Variants in PLSCR4 observed in about 807,000 individuals in gnomAD.
PLSCR4 encodes the protein phospholipid scramblase 4, also known as Ca(2+)-dependent phospholipid scramblase 4.
In PLSCR4, 25 loss-of-function variants were observed where a neutral mutation model predicts 36.3. The ratio of observed to expected loss-of-function variants is 0.69; its 90% CI spans 0.50 to 0.96. The LOEUF is 0.96. Among genes scored for constraint, PLSCR4 ranks in the 40% least tolerant of loss-of-function variants. The pLI is 0.00. For synonymous variants in PLSCR4, 122 were observed against 132.9 expected, an observed-to-expected ratio of 0.92 and a Z score of 0.56; for missense variants, 408 against 414.7, an observed-to-expected ratio of 0.98 and a Z score of 0.14.
At chr3:146,213,333 C>CTT (rs2034720581) in intron 3 of PLSCR4, among the ~76,000 whole-genome samples, 1 of 101,054 alleles carries the variant, frequency 9.9e-6, no homozygotes, top group Non-Finnish European at 2.3e-5. Flanking sequence ...AGTAAAATTT[C>CTT]CTTTTTTTTT....
intron 1 of PLSCR4, among the ~76,000 whole-genome samples, chr3:146,226,255 TTAAA>T (rs1184769441): frequency 3.3e-5 from 5 of 152,342 alleles, no homozygotes; most frequent in African/African-American, 9.6e-5. Context: ...ATGTACATGT[TTAAA>T]TATGCATATT....
At chr3:146,207,412 A>C (rs1224721229) in intron 3 of PLSCR4, among the ~76,000 whole-genome samples, 1 of 152,072 alleles carries the variant, frequency 6.6e-6, no homozygotes, top group East Asian at 1.9e-4. Flanking sequence ...TTAAACAACA[A>C]GCATTTCTTT....
At chr3:146,217,174 GA>G (rs529629032) in intron 3 of PLSCR4, among the ~76,000 whole-genome samples, 1 of 152,318 alleles carries the variant, frequency 6.6e-6, no homozygotes, top group South Asian at 2.1e-4. Flanking sequence ...AAGAAAAGGT[GA>G]ATGGTTGTCA....
intron 1 of PLSCR4, among the ~76,000 whole-genome samples, chr3:146,244,440 T>G (rs1015899440): frequency 3.3e-5 from 5 of 152,142 alleles, no homozygotes; most frequent in Non-Finnish European, 5.9e-5. Context: ...TCAAGGAGTC[T>G]ATCAGTGCCA....
intron 1 of PLSCR4, among the ~76,000 whole-genome samples, chr3:146,230,098 C>T (rs2035646629): frequency 6.6e-6 from 1 of 152,096 alleles, no homozygotes; most frequent in African/African-American, 2.4e-5. Flanking sequence ...GAAGTGAAGG[C>T]AGTCTTGTTA....
In PLSCR4 at chr3:146,224,814, C is replaced by T. The variant is rs192650804; in HGVS notation, c.-21-2722G>A. Among the ~76,000 whole-genome samples the T allele has an allele frequency of 1.8e-3, 271 of 151,434 alleles. 1 individual carries two copies. The highest frequency in any genetic ancestry group is 5.9e-3 in the African/African-American group (246 of 41,396). Reference sequence around the variant, plus strand: ...CTGATTGGTGCATTTACAATCCCTGCGCTAGATACAAAGGTTCTCCACGTC... The same window carrying T: ...CTGATTGGTGCATTTACAATCCCTGTGCTAGATACAAAGGTTCTCCACGTC... On this transcript the variant is annotated intron_variant, in intron 1 of 8. Coordinates refer to ENST00000354952, the MANE Select transcript of PLSCR4 (RefSeq NM_020353.3).
At chr3:146,197,267 A>G (rs2033796743) in intron 6 of PLSCR4, among the ~76,000 whole-genome samples, 1 of 152,160 alleles carries the variant, frequency 6.6e-6, no homozygotes, top group African/African-American at 2.4e-5. Flanking sequence ...CAGAAAGAAC[A>G]ATTTTCTCAG....
chr3:146,229,505 A>C (rs991757169), intron 1 of PLSCR4, among the ~76,000 whole-genome samples: 1 of 152,134 alleles, frequency 6.6e-6, no homozygotes, highest in Non-Finnish European at 1.5e-5. Context: ...GAGAGAAGGC[A>C]TGAAAGCTTT....
intron 1 of PLSCR4, among the ~76,000 whole-genome samples, chr3:146,233,844 T>G (rs2035812683): frequency 6.6e-6 from 1 of 152,166 alleles, no homozygotes; most frequent in East Asian, 1.9e-4. Context: ...GCCTTCTCCT[T>G]CATACCCCAT....
chr3:146,246,793 T>A (rs534095206), intron 1 of PLSCR4, among the ~76,000 whole-genome samples: 1 of 152,150 alleles, frequency 6.6e-6, no homozygotes, highest in Non-Finnish European at 1.5e-5. Context: ...ACTTTACATT[T>A]ATGAAAACAG....
chr3:146,228,222 TTAC>T (rs1234553014), intron 1 of PLSCR4, among the ~76,000 whole-genome samples: 10 of 152,218 alleles, frequency 6.6e-5, no homozygotes, highest in African/African-American at 1.7e-4. Context: ...ACTTGCATTA[TTAC>T]TACTATTTCA....
At chr3:146,199,184 A>G (rs1456708738) in intron 6 of PLSCR4, among the ~76,000 whole-genome samples, 1 of 152,154 alleles carries the variant, frequency 6.6e-6, no homozygotes, top group Non-Finnish European at 1.5e-5. Flanking sequence ...TAAATTTTAC[A>G]GATTTAAGTA....
intron 3 of PLSCR4, among the ~76,000 whole-genome samples, chr3:146,215,636 TG>T (rs142178152): frequency 0.016 from 2,403 of 152,304 alleles, 65 homozygotes; most frequent in African/African-American, 0.054. Context: ...TGTATGTATA[TG>T]TTTTTTTTGT....
chr3:146,198,293 C>G (rs73865351), intron 6 of PLSCR4, among the ~76,000 whole-genome samples: 1 of 151,934 alleles, frequency 6.6e-6, no homozygotes, highest in Non-Finnish European at 1.5e-5. Context: ...TAAAACTGCA[C>G]AAACTAAATG....
At chr3:146,235,342 C>T (rs1401539548) in intron 1 of PLSCR4, among the ~76,000 whole-genome samples, 1 of 151,964 alleles carries the variant, frequency 6.6e-6, no homozygotes, top group African/African-American at 2.4e-5. Flanking sequence ...GTGTATGGTA[C>T]CTCTCCCATC....
At chr3:146,250,350 T>C (rs1248176840) in intron 1 of PLSCR4, among the ~76,000 whole-genome samples, 1 of 152,080 alleles carries the variant, frequency 6.6e-6, no homozygotes, top group Non-Finnish European at 1.5e-5. Flanking sequence ...CAGTATAAAA[T>C]TAAAAACTAA....
chr3:146,199,792 A>G (rs1559898682), intron 6 of PLSCR4, 21 bp downstream of exon 6: 6 of 1,578,262 alleles, frequency 3.8e-6, no homozygotes, highest in Non-Finnish European at 5.2e-6. Context: ...CAAGCTGTGG[A>G]TCAGACTTCC....
intron 1 of PLSCR4, among the ~76,000 whole-genome samples, chr3:146,234,440 A>G (rs1181806659): frequency 6.6e-6 from 1 of 152,152 alleles, no homozygotes; most frequent in Non-Finnish European, 1.5e-5. Flanking sequence ...AGAAAGCAGT[A>G]ATTTTATCAG....
At chr3:146,212,660 A>G (rs917219027) in intron 3 of PLSCR4, among the ~76,000 whole-genome samples, 2 of 151,972 alleles carry the variant, frequency 1.3e-5, no homozygotes, top group African/African-American at 4.8e-5. Context: ...TCTTCTGCAA[A>G]TGGAGATGGT....
Sources: allele counts gnomAD v4.1 joint callset (sites outside exome capture counted in the v4.1 genomes callset), GRCh38; gene constraint gnomAD v4.1.1; transcripts MANE v1.5; gene names NCBI Gene and HGNC (gene_info 2026-07-23, HGNC 2026-07-21).